The following MCTP1 variants were observed in gnomAD, a reference collection of about 807,000 sequenced individuals.
MCTP1 encodes the protein multiple C2 and transmembrane domain-containing protein 1.
MCTP1 carries 69 observed loss-of-function variants against 120.6 expected under a neutral mutation model. That is an observed-to-expected ratio of 0.57 (90% CI 0.47 to 0.70). The LOEUF (loss-of-function observed/expected upper bound fraction) is 0.70. Among genes scored for constraint, MCTP1 ranks in the 30% least tolerant of loss-of-function variants. The probability of loss-of-function intolerance (pLI) is 0.00; values close to 1 mark genes in which losing one functional copy is unlikely to be tolerated. For synonymous variants in MCTP1, 529 were observed against 493.1 expected (o/e 1.07, Z -0.96); for missense variants, 1,203 against 1,248.8 (o/e 0.96, Z 0.55).
chr5:95,170,331 C>A (rs1342746037), intron 1 of MCTP1, among the ~76,000 whole-genome samples: 1 of 152,124 alleles, frequency 6.6e-6, no homozygotes, highest in Non-Finnish European at 1.5e-5. Flanking sequence ...TTACTTCCAA[C>A]TATGTGGTCA....
At position 95,192,435 on chromosome 5, in the gene MCTP1, T is replaced by A. The variant is rs535552809; in HGVS notation, c.720+91421A>T. Among the ~76,000 whole-genome samples, 234 of 152,182 alleles carry A rather than the reference T, an allele frequency of 1.5e-3. 1 individual carries two copies. Among genetic ancestry groups the A allele is most frequent in the African/African-American group, 5.1e-3 (214 of 41,574 alleles). ...TTATATAACTATATTAGTCTCTTTT[T>A]GAACAAATTTGTTTTATTTTCTGTG... On this transcript the variant is annotated intron_variant, in intron 1 of 22. Coordinates refer to ENST00000515393, the MANE Select transcript of MCTP1 (RefSeq NM_024717.7).
intron 1 of MCTP1, among the ~76,000 whole-genome samples, chr5:95,204,680 C>A (rs1431245212): frequency 6.6e-6 from 1 of 151,950 alleles, no homozygotes; most frequent in East Asian, 1.9e-4. Flanking sequence ...TACAAGATTG[C>A]AGGACAAGAT....
intron 1 of MCTP1, among the ~76,000 whole-genome samples, chr5:95,222,823 T>C (rs1233140956): frequency 2.0e-5 from 3 of 152,236 alleles, no homozygotes; most frequent in African/African-American, 7.2e-5. Flanking sequence ...TAAAAGCACA[T>C]AATTAATATA....
At chr5:94,779,187 T>G (rs747716658) in intron 18 of MCTP1, 24 bp from the exon 19 acceptor site, 25 of 1,608,018 alleles carry the variant, frequency 1.6e-5, no homozygotes, top group Non-Finnish European at 1.4e-5. Flanking sequence ...CAGAAGTCGT[T>G]TTTTGTGCTC....
At chr5:94,786,392 T>C (rs1203053895) in intron 18 of MCTP1, among the ~76,000 whole-genome samples, 1 of 152,140 alleles carries the variant, frequency 6.6e-6, no homozygotes, top group African/African-American at 2.4e-5. Flanking sequence ...TCTTATATCC[T>C]TTTCTATAAA....
intron 1 of MCTP1, among the ~76,000 whole-genome samples, chr5:95,097,115 T>C (rs569194360): frequency 4.4e-4 from 67 of 152,220 alleles, no homozygotes; most frequent in African/African-American, 1.4e-3. Flanking sequence ...TTTTTAAAAA[T>C]ATAGATAAGA....
chr5:95,100,515 A>C (rs1348068278), intron 1 of MCTP1, among the ~76,000 whole-genome samples: 2 of 152,230 alleles, frequency 1.3e-5, no homozygotes, highest in African/African-American at 2.4e-5. Context: ...AGGAAATGAA[A>C]ATACAAGTCA....
chr5:94,952,438 A>G (rs894635512), intron 3 of MCTP1, among the ~76,000 whole-genome samples: 2 of 152,204 alleles, frequency 1.3e-5, no homozygotes, highest in African/African-American at 2.4e-5. Context: ...TATGAGGGGA[A>G]GAAGTATGCC....
intron 1 of MCTP1, among the ~76,000 whole-genome samples, chr5:95,041,194 A>T (rs1842292435): frequency 6.6e-6 from 1 of 151,952 alleles, no homozygotes. Context: ...TATGCTTATC[A>T]TACTACTTTT....
intron 19 of MCTP1, among the ~76,000 whole-genome samples, chr5:94,757,386 C>G (rs1016125073): frequency 6.6e-6 from 1 of 152,172 alleles, no homozygotes; most frequent in African/African-American, 2.4e-5. Context: ...AATATCACAA[C>G]AGCAAAGTCA....
intron 18 of MCTP1, among the ~76,000 whole-genome samples, chr5:94,780,269 GT>G (rs5869651): frequency 0.97 from 145,722 of 150,390 alleles, 70,692 homozygotes; most frequent in East Asian, 1. Flanking sequence ...TCCTGTTTTT[GT>G]TTTTTTTTTG....
chr5:95,210,709 C>A (rs1337515213), intron 1 of MCTP1, among the ~76,000 whole-genome samples: 1 of 151,654 alleles, frequency 6.6e-6, no homozygotes. Context: ...GAATTTGATC[C>A]TGTCATTATG....
chr5:94,806,140 A>G lies in MCTP1; in HGVS notation c.2437-7008T>C, dbSNP rs75081050. On this transcript the variant is annotated intron_variant, in intron 17 of 22. Coordinates refer to ENST00000515393, the MANE Select transcript of MCTP1 (RefSeq NM_024717.7). ...TCCTTTTTTCCCACCATCTTACACG[A>G]CTCTGAATAATCAAAACTTGGCTAT... 7.3e-3 allele frequency among the ~76,000 whole-genome samples: 1,110 copies of G among 151,644 alleles called. 9 individuals carry two copies. Among genetic ancestry groups the G allele is most frequent in the Middle Eastern group, 0.017 (5 of 292 alleles).
At chr5:95,217,954 T>A (rs538873699) in intron 1 of MCTP1, among the ~76,000 whole-genome samples, 37 of 152,236 alleles carry the variant, frequency 2.4e-4, no homozygotes, top group African/African-American at 7.9e-4. Flanking sequence ...CTCCCCAACT[T>A]CTCTGATCAT....
chr5:94,722,593 A>T (rs1457343245), intron 19 of MCTP1, among the ~76,000 whole-genome samples: 2 of 152,188 alleles, frequency 1.3e-5, no homozygotes, highest in Non-Finnish European at 2.9e-5. Context: ...TATATATACC[A>T]AGGCATATGG....
intron 19 of MCTP1, among the ~76,000 whole-genome samples, chr5:94,778,690 T>A (rs1185456260): frequency 6.6e-6 from 1 of 152,138 alleles, no homozygotes; most frequent in African/African-American, 2.4e-5. Flanking sequence ...GCTGAGCAAT[T>A]GTTTGAAAAT....
intron 12 of MCTP1, among the ~76,000 whole-genome samples, chr5:94,886,193 A>G (rs1801290815): frequency 6.6e-6 from 1 of 152,204 alleles, no homozygotes; most frequent in East Asian, 1.9e-4. Flanking sequence ...TTTGTGCTTT[A>G]TACTCACTCA....
intron 1 of MCTP1, among the ~76,000 whole-genome samples, chr5:95,137,953 T>C (rs935064220): frequency 2.6e-5 from 4 of 152,152 alleles, no homozygotes; most frequent in Non-Finnish European, 4.4e-5. Flanking sequence ...AGTATGACTA[T>C]TGAATTACAG....
At chr5:95,026,452 A>T (rs567685297) in intron 1 of MCTP1, among the ~76,000 whole-genome samples, 1 of 151,708 alleles carries the variant, frequency 6.6e-6, no homozygotes, top group East Asian at 1.9e-4. Flanking sequence ...ACCCCCAACT[A>T]CCCTTCCCAC....
Sources: allele counts gnomAD v4.1 joint callset (sites outside exome capture counted in the v4.1 genomes callset), GRCh38; gene constraint gnomAD v4.1.1; transcripts MANE v1.5; gene names NCBI Gene and HGNC (gene_info 2026-07-23, HGNC 2026-07-21).